The following SESN3 variants were observed in gnomAD, a reference collection of about 807,000 sequenced individuals.
SESN3 encodes sestrin-3.
Under a neutral mutation model 55.3 loss-of-function variants are expected in SESN3, and 21 were observed. That is an observed-to-expected ratio of 0.38 (90% confidence interval 0.27 to 0.55). The LOEUF is 0.55. SESN3 is among the 20% of genes least tolerant of loss of function. SESN3 has a pLI of 0.76. For missense variants in SESN3, 408 were observed against 604.3 expected (o/e 0.68, Z 3.41); for synonymous variants, 181 against 203.1 (o/e 0.89, Z 0.93).
chr11:95,228,427 C>T (rs1591084099), intron 1 of SESN3, among the ~76,000 whole-genome samples: 3 of 152,166 alleles, frequency 2.0e-5, no homozygotes, highest in Admixed American at 1.3e-4. Context: ...AATACTATGA[C>T]TCACTTGGCT....
In SESN3 at chr11:95,172,306, C is replaced by T. The variant is rs1859866382; in HGVS notation, c.*949G>A. On this transcript the variant is annotated 3_prime_UTR_variant, in exon 10 of 10. Coordinates refer to ENST00000536441, the MANE Select transcript of SESN3 (RefSeq NM_144665.4). ...AGGAAAAATAGGCATATTAACCTTC[C>T]TTTGCTTAACGAAATATAGAAAAAA... 1 of 151,992 alleles carries T rather than the reference C, an allele frequency of 6.6e-6. No homozygotes were observed. The highest frequency in any genetic ancestry group is 2.1e-4 in the South Asian group (1 of 4,818). The allele number at this position is 151,992 out of a possible 1,614,324, so 9.4% of individuals were successfully genotyped here.
At position 95,191,610 on chromosome 11, in the gene SESN3, CA is replaced by C. The variant is rs150790532; in HGVS notation, c.145-10del. The stretch of plus-strand genomic sequence containing the variant: ...GTGTTTGCTTGGACAACCTTATAAC[CA>C]AAAAAAACAAAACAAAATGACTATT... On this transcript the variant is annotated splice_polypyrimidine_tract_variant and intron_variant, in intron 2 of 9. Coordinates refer to ENST00000536441, the MANE Select transcript of SESN3 (RefSeq NM_144665.4). 9.4e-6 allele frequency: 15 copies of C among 1,599,692 alleles called. No individual in the cohort carries two copies. The highest frequency in any genetic ancestry group is 1.4e-5 in the African/African-American group (1 of 73,934).
At position 95,171,104 on chromosome 11, in the gene SESN3, G is replaced by A. The variant is rs1404009518; in HGVS notation, c.*2151C>T. ...ACAGTTCGCCTGCACAAAAATATAG[G>A]GCTATTAATTGAAAGCATCTAGTAA... On this transcript the variant is annotated 3_prime_UTR_variant, in exon 10 of 10. Transcript: ENST00000536441. 1 of 151,880 alleles carries A rather than the reference G, an allele frequency of 6.6e-6. No homozygotes were observed. Among genetic ancestry groups the A allele is most frequent in the African/African-American group, 2.4e-5 (1 of 41,366 alleles). The allele number at this position is 151,880 out of a possible 1,614,324, so 9.4% of individuals were successfully genotyped here. A position where few individuals can be genotyped will look rare whatever the true frequency, so the allele number is the denominator to read the frequency against.
At chr11:95,228,271 A>C (rs1860984368) in intron 1 of SESN3, among the ~76,000 whole-genome samples, 1 of 152,228 alleles carries the variant, frequency 6.6e-6, no homozygotes, top group Non-Finnish European at 1.5e-5. Context: ...AAATTAAGCC[A>C]CCTACTGAGA....
rs1249438132 is a variant in SESN3, at chr11:95,168,320, A to C, written c.*4935T>G. The C allele has an allele frequency of 6.6e-6, 1 of 152,192 alleles. No individual in the cohort carries two copies. The highest frequency in any genetic ancestry group is 1.5e-5 in the Non-Finnish European group (1 of 68,034). 9.4% of individuals were successfully genotyped at this position (152,192 alleles called of 1,614,324 possible). A position where few individuals can be genotyped will look rare whatever the true frequency, so the allele number is the denominator to read the frequency against. ...AACAACAGTATTCATTCATAACCTA[A>C]TACAAATCCAAGTTAGGATGGCAAT... is the stretch of plus-strand genomic sequence containing the variant. On this transcript the variant is annotated 3_prime_UTR_variant, in exon 10 of 10. Coordinates refer to ENST00000536441, the MANE Select transcript of SESN3 (RefSeq NM_144665.4).
At position 95,231,031 on chromosome 11, in the gene SESN3, A is replaced by G; in HGVS notation, c.-171T>C. On this transcript the variant is annotated 5_prime_UTR_variant, in exon 1 of 10. Coordinates refer to ENST00000536441, the MANE Select transcript of SESN3 (RefSeq NM_144665.4). Reference sequence around the variant, plus strand: ...CTGCCTGAAAGCTAGCGGCACTGCCAGAGGCGACCACCGCGGCAGCTGCCC... The same window carrying G: ...CTGCCTGAAAGCTAGCGGCACTGCCGGAGGCGACCACCGCGGCAGCTGCCC... The G allele has an allele frequency of 4.7e-6, 2 of 422,916 alleles. No homozygotes were observed. Among genetic ancestry groups the G allele is most frequent in the Non-Finnish European group, 8.3e-6 (2 of 241,204 alleles). 26.2% of individuals were successfully genotyped at this position (422,916 alleles called of 1,614,324 possible). A position where few individuals can be genotyped will look rare whatever the true frequency, so the allele number is the denominator to read the frequency against.
At chr11:95,188,352 AATGAG>A (rs1470417395) in intron 4 of SESN3, among the ~76,000 whole-genome samples, 6 of 151,866 alleles carry the variant, frequency 4.0e-5, no homozygotes, top group African/African-American at 1.2e-4. Flanking sequence ...AATTTAGAAG[AATGAG>A]ATGAGAATAT....
intron 1 of SESN3, among the ~76,000 whole-genome samples, chr11:95,196,507 T>C (rs914254075): frequency 3.3e-5 from 5 of 152,114 alleles, no homozygotes; most frequent in African/African-American, 1.2e-4. Flanking sequence ...GGTCAAATTA[T>C]AATGCCTTTC....
At chr11:95,177,628 A>T in intron 8 of SESN3, 91 bp downstream of exon 8, 1 of 805,588 alleles carries the variant, frequency 1.2e-6, no homozygotes, top group Non-Finnish European at 1.9e-6. Flanking sequence ...TTTTCTTCCC[A>T]GAGTCATATA....
chr11:95,228,521 G>C (rs545143925), intron 1 of SESN3, among the ~76,000 whole-genome samples: 1 of 152,112 alleles, frequency 6.6e-6, no homozygotes, highest in Non-Finnish European at 1.5e-5. Context: ...TTTTAACTTA[G>C]AGTTATATCA....
intron 1 of SESN3, among the ~76,000 whole-genome samples, chr11:95,220,411 G>A (rs1327354742): frequency 2.6e-5 from 4 of 152,054 alleles, no homozygotes; most frequent in Non-Finnish European, 5.9e-5. Flanking sequence ...TGGTTGGCAG[G>A]AGGGGGAGGG....
In SESN3 at chr11:95,186,028, T is replaced by C. The variant is rs74487665; in HGVS notation, c.526-536A>G. 5.4e-3 allele frequency among the ~76,000 whole-genome samples: 828 copies of C among 152,116 alleles called. 8 individuals are homozygous for C. Among genetic ancestry groups the C allele is most frequent in the African/African-American group, 0.019 (786 of 41,522 alleles). On this transcript the variant is annotated intron_variant, in intron 4 of 9. Coordinates refer to ENST00000536441, the MANE Select transcript of SESN3 (RefSeq NM_144665.4). ...AAAAATTTCCAAGCACTTTTTCATA[T>C]TCTGTATTTCACTTGACCCTCCAGC...
intron 1 of SESN3, among the ~76,000 whole-genome samples, chr11:95,195,626 T>C (rs1189497140): frequency 2.6e-5 from 4 of 152,212 alleles, no homozygotes; most frequent in Admixed American, 6.6e-5. Context: ...ATTTTCCTAC[T>C]GTTGAACATT....
chr11:95,175,120 T>C (rs1054638487), intron 9 of SESN3, among the ~76,000 whole-genome samples: 4 of 152,144 alleles, frequency 2.6e-5, no homozygotes, highest in African/African-American at 9.7e-5. Context: ...TCCCAGCACT[T>C]TGGGAAGCCG....
chr11:95,216,463 A>T (rs1426497091), intron 1 of SESN3, among the ~76,000 whole-genome samples: 1 of 152,234 alleles, frequency 6.6e-6, no homozygotes, highest in East Asian at 1.9e-4. Context: ...CACTGTCACA[A>T]TGAGTTCAAA....
chr11:95,231,442 T>C (rs1372689037), upstream of SESN3: 2 of 292,808 alleles, frequency 6.8e-6, no homozygotes, highest in African/African-American at 2.2e-5. Context: ...AGCTAAGTAG[T>C]AGGGTAGCAG....
intron 6 of SESN3, among the ~76,000 whole-genome samples, chr11:95,183,774 A>G (rs768165006): frequency 1.8e-4 from 27 of 151,716 alleles, no homozygotes; most frequent in Admixed American, 7.2e-4. Flanking sequence ...ATCATTTACT[A>G]TGTGGTGTTC....
intron 3 of SESN3, 68 bp downstream of exon 3, chr11:95,191,336 C>A (rs1418431915): frequency 5.9e-6 from 7 of 1,188,368 alleles, no homozygotes; most frequent in South Asian, 1.2e-5. Flanking sequence ...AGGACACATG[C>A]CTATTTTGGA....
chr11:95,184,704 T>G (rs1030832654), intron 5 of SESN3, 110 bp from the exon 6 acceptor site: 2 of 973,438 alleles, frequency 2.1e-6, no homozygotes, highest in Non-Finnish European at 3.0e-6. Context: ...GGCACAGTTA[T>G]GAAGTTCTTA....
Sources: gnomAD v4.1 joint callset for allele counts (sites outside exome capture counted in the v4.1 genomes callset) on GRCh38, gnomAD v4.1.1 for gene constraint, MANE v1.5 for transcripts, NCBI Gene and HGNC (gene_info 2026-07-23, HGNC 2026-07-21) for gene names.